Variants in FSTL4 observed in about 807,000 individuals in gnomAD.
The protein encoded by FSTL4 is follistatin-related protein 4.
FSTL4 carries 28 observed loss-of-function variants against 78.2 expected under a neutral mutation model. The ratio of observed to expected loss-of-function variants is 0.36; its 90% CI spans 0.27 to 0.49. The LOEUF (loss-of-function observed/expected upper bound fraction) is 0.49. Ranked by LOEUF, FSTL4 falls within the 20% of genes least tolerant of loss-of-function variation. The pLI, the probability that FSTL4 is intolerant of heterozygous loss-of-function variation, is 0.98. For synonymous variants in FSTL4, 422 were observed against 440.5 expected (o/e 0.96, Z 0.53); for missense variants, 922 against 1,084.9 (o/e 0.85, Z 2.11).
chr5:133,603,234 G>A (rs1760907856), intron 2 of FSTL4, among the ~76,000 whole-genome samples: 1 of 152,126 alleles, frequency 6.6e-6, no homozygotes, highest in Non-Finnish European at 1.5e-5. Context: ...GCAGTTTATG[G>A]ATCCTCTTTA....
chr5:133,220,666 A>G, intron 12 of FSTL4, 82 bp downstream of exon 12: 2 of 809,024 alleles, frequency 2.5e-6, no homozygotes, highest in Middle Eastern at 2.3e-4. Flanking sequence ...TTTAGAAATC[A>G]AATGGCATGC....
the FSTL4 span, among the ~76,000 whole-genome samples, chr5:133,705,869 G>A: frequency 3.7e-3 from 545 of 147,888 alleles, 3 homozygotes; most frequent in African/African-American, 0.012. Flanking sequence ...ACACACACAC[G>A]CACACACACA....
chr5:133,486,713 G>A (rs554613313), intron 3 of FSTL4, among the ~76,000 whole-genome samples: 10 of 152,220 alleles, frequency 6.6e-5, no homozygotes, highest in African/African-American at 2.4e-4. Flanking sequence ...CCCAGCTCCT[G>A]GTCTGAAGTG....
chr5:133,693,505 T>A, the FSTL4 span, among the ~76,000 whole-genome samples: 2 of 151,972 alleles, frequency 1.3e-5, no homozygotes, highest in African/African-American at 4.8e-5. Context: ...TGAGAAGAAC[T>A]GGCGTGGATT....
chr5:133,541,396 G>A lies in FSTL4; in HGVS notation c.160+25790C>T, dbSNP rs147015637. Reference sequence around the variant, plus strand: ...AGGACAGTTAGACAGTTGACATGGTGGCTTAGGCTCCAGCATGAGTGTTCC... The same window carrying A: ...AGGACAGTTAGACAGTTGACATGGTAGCTTAGGCTCCAGCATGAGTGTTCC... On this transcript the variant is annotated intron_variant, in intron 3 of 15. Coordinates refer to ENST00000265342, the MANE Select transcript of FSTL4 (RefSeq NM_015082.2). Among the ~76,000 whole-genome samples the A allele has an allele frequency of 2.1e-3, 315 of 152,222 alleles. 1 individual carries two copies. Among genetic ancestry groups the A allele is most frequent in the African/African-American group, 7.2e-3 (297 of 41,524 alleles).
At chr5:133,370,210 A>G (rs1755264052) in intron 4 of FSTL4, among the ~76,000 whole-genome samples, 2 of 152,120 alleles carry the variant, frequency 1.3e-5, no homozygotes, top group African/African-American at 4.8e-5. Flanking sequence ...GCAGAAGAGG[A>G]ACATGATTTC....
intron 6 of FSTL4, among the ~76,000 whole-genome samples, chr5:133,276,899 A>C (rs1409518043): frequency 6.6e-6 from 1 of 152,200 alleles, no homozygotes; most frequent in African/African-American, 2.4e-5. Context: ...ATGAAGTGAC[A>C]ATAGGCAAAT....
the FSTL4 span, among the ~76,000 whole-genome samples, chr5:133,657,684 T>C: frequency 6.6e-6 from 1 of 152,150 alleles, no homozygotes; most frequent in African/African-American, 2.4e-5. Flanking sequence ...CAAAATGTTA[T>C]ACATTTCATT....
At chr5:133,243,112 T>G (rs755189681) in intron 7 of FSTL4, among the ~76,000 whole-genome samples, 27 of 152,200 alleles carry the variant, frequency 1.8e-4, no homozygotes, top group Non-Finnish European at 3.7e-4. Flanking sequence ...GGGAGAAAAG[T>G]GAACATTTTA....
chr5:133,804,083 T>C, the FSTL4 span, among the ~76,000 whole-genome samples: 1 of 152,214 alleles, frequency 6.6e-6, no homozygotes, highest in Non-Finnish European at 1.5e-5. Flanking sequence ...TTCTGAATTT[T>C]GCTTCCCCCA....
At chr5:133,723,308 G>A in the FSTL4 span, among the ~76,000 whole-genome samples, 1 of 152,182 alleles carries the variant, frequency 6.6e-6, no homozygotes, top group African/African-American at 2.4e-5. Flanking sequence ...CATGGCTCTG[G>A]AGAAGAAGAC....
intron 8 of FSTL4, among the ~76,000 whole-genome samples, chr5:133,230,396 G>A (rs544791967): frequency 1.2e-4 from 18 of 152,300 alleles, no homozygotes; most frequent in African/African-American, 3.9e-4. Context: ...ATTTTGAACC[G>A]AAGTGCATGC....
At chr5:133,796,616 T>C in the FSTL4 span, among the ~76,000 whole-genome samples, 1 of 152,016 alleles carries the variant, frequency 6.6e-6, no homozygotes, top group Non-Finnish European at 1.5e-5. Context: ...AAACTCCCCT[T>C]GGCGTTCAGA....
the FSTL4 span, among the ~76,000 whole-genome samples, chr5:133,667,684 A>C: frequency 3.3e-5 from 5 of 152,152 alleles, no homozygotes; most frequent in Non-Finnish European, 5.9e-5. Context: ...CATCACCCTG[A>C]CTACTTACAG....
intron 3 of FSTL4, among the ~76,000 whole-genome samples, chr5:133,419,158 C>T (rs777252216): frequency 3.9e-4 from 60 of 152,086 alleles, no homozygotes; most frequent in Non-Finnish European, 6.8e-4. Flanking sequence ...GATGGAGTCT[C>T]ACTCTGTTAC....
At position 133,225,089 on chromosome 5, in the gene FSTL4, C is replaced by T. The variant is rs1751282659; in HGVS notation, c.1312+61G>A. 2 of 1,601,570 alleles carry T rather than the reference C, an allele frequency of 1.2e-6. No homozygotes were observed. Among genetic ancestry groups the T allele is most frequent in the Admixed American group, 3.3e-5 (2 of 59,940 alleles). On this transcript the variant is annotated intron_variant, in intron 10 of 15. Transcript: ENST00000265342. The surrounding 1 kb of genome is among the most constrained non-coding windows in gnomAD (Gnocchi z 4.6). ...TGTGGCCCTGGTCAATTGGTGCCCT[C>T]CCTTGCCACCCAACACCTCCCAGCC...
At chr5:133,774,502 G>A in the FSTL4 span, among the ~76,000 whole-genome samples, 11 of 152,170 alleles carry the variant, frequency 7.2e-5, no homozygotes, top group African/African-American at 2.7e-4. Context: ...CTGAAGTTAA[G>A]AAACATTGTG....
At chr5:133,772,557 C>T in the FSTL4 span, among the ~76,000 whole-genome samples, 1 of 152,260 alleles carries the variant, frequency 6.6e-6, no homozygotes, top group South Asian at 2.1e-4. Flanking sequence ...ATTTGGCTCA[C>T]AGCTCTGGAG....
intron 14 of FSTL4, among the ~76,000 whole-genome samples, chr5:133,204,376 A>ATATT (rs1293978130): frequency 7.9e-5 from 12 of 152,222 alleles, no homozygotes; most frequent in African/African-American, 9.7e-5. Context: ...TTTAGAAACA[A>ATATT]TATTAGGATA....
Sources: allele counts gnomAD v4.1 joint callset (sites outside exome capture counted in the v4.1 genomes callset), GRCh38; gene constraint gnomAD v4.1.1; non-coding constraint Gnocchi (gnomAD v3.1); transcripts MANE v1.5; gene names NCBI Gene and HGNC (gene_info 2026-07-23, HGNC 2026-07-21).